MYT1L: variants seen among roughly 807,000 people sequenced by gnomAD.
The protein encoded by MYT1L is myelin transcription factor 1-like protein.
MYT1L carries 12 observed loss-of-function variants against 126.7 expected under a neutral mutation model. The ratio of observed to expected loss-of-function variants is 0.09; its 90% CI spans 0.06 to 0.15. The LOEUF is 0.15. Ranked by LOEUF, MYT1L falls within the 10% of genes least tolerant of loss-of-function variation. MYT1L has a pLI of 1.00. For missense variants in MYT1L, 979 were observed against 1,585.2 expected, an observed-to-expected ratio of 0.62 and a Z score of 6.49; for synonymous variants, 541 against 604.2, an observed-to-expected ratio of 0.90 and a Z score of 1.53.
At position 2,058,285 on chromosome 2, in the gene MYT1L, G is replaced by A. The variant is rs145477189; in HGVS notation, c.-303-4162C>T. ...TTTTCTTACTACATTGTTTTAAATC[G>A]TTGAATTTGAGATTTCATTGTATAT... is the stretch of plus-strand genomic sequence containing the variant. On this transcript the variant is annotated intron_variant, in intron 3 of 24. Coordinates refer to ENST00000647738, the MANE Select transcript of MYT1L (RefSeq NM_001303052.2). 8.0e-3 allele frequency among the ~76,000 whole-genome samples: 1,215 copies of A among 152,144 alleles called. 16 individuals carry two copies. The highest frequency in any genetic ancestry group is 0.027 in the African/African-American group (1,118 of 41,496).
intron 3 of MYT1L, among the ~76,000 whole-genome samples, chr2:2,060,718 C>CCTCCCTTCCTTTTCCCT: frequency 8.8e-6 from 1 of 113,180 alleles, no homozygotes; most frequent in African/African-American, 3.7e-5. Flanking sequence ...CCTTCCCTCC[C>CCTCCCTTCCTTTTCCCT]CCCTCCCTTC....
chr2:2,322,346 T>C (rs756821098), intron 1 of MYT1L, among the ~76,000 whole-genome samples: 2 of 152,030 alleles, frequency 1.3e-5, no homozygotes, highest in Non-Finnish European at 2.9e-5. Context: ...AACAATTGAT[T>C]AAAAATTTTG....
chr2:1,902,842 G>A (rs756422890), intron 14 of MYT1L: 13 of 524,958 alleles, frequency 2.5e-5, no homozygotes, highest in Admixed American at 9.7e-5. Flanking sequence ...AGCCGAGTGC[G>A]CTGTCTCGGA....
chr2:2,222,487 C>T (rs1288431568), intron 2 of MYT1L, among the ~76,000 whole-genome samples: 1 of 123,166 alleles, frequency 8.1e-6, no homozygotes, highest in Admixed American at 8.2e-5. Flanking sequence ...CAGAGTGAGA[C>T]TTTGTCTCAA....
chr2:1,830,561 T>C (rs1337928540), intron 21 of MYT1L, among the ~76,000 whole-genome samples: 1 of 150,996 alleles, frequency 6.6e-6, no homozygotes, highest in Non-Finnish European at 1.5e-5. Context: ...CACAGGGAGA[T>C]GGGGGAAAGG....
chr2:2,025,662 G>A (rs1219402113), intron 4 of MYT1L, among the ~76,000 whole-genome samples: 6 of 152,132 alleles, frequency 3.9e-5, no homozygotes, highest in Non-Finnish European at 1.5e-5. Context: ...GAGCACGTGT[G>A]GTGCACCCAG....
At chr2:2,187,617 T>C (rs982582415) in intron 2 of MYT1L, among the ~76,000 whole-genome samples, 2 of 151,742 alleles carry the variant, frequency 1.3e-5, no homozygotes, top group African/African-American at 4.8e-5. Flanking sequence ...AAAATAATTT[T>C]AGAAGGGAGG....
rs986785531 is a variant in MYT1L, at chr2:2,318,186, C to T, written c.-521+12781G>A. On this transcript the variant is annotated intron_variant, in intron 1 of 24. Coordinates refer to ENST00000647738, the MANE Select transcript of MYT1L (RefSeq NM_001303052.2). ...TTACACTATCATTGACTCTACTACT[C>T]CTTACACAACTTCTGCATCTAATCC... Among the ~76,000 whole-genome samples, 14 of 152,164 alleles carry T rather than the reference C, an allele frequency of 9.2e-5. 1 individual carries two copies. Among genetic ancestry groups the T allele is most frequent in the Admixed American group, 6.5e-4 (10 of 15,280 alleles).
At chr2:1,858,068 G>T (rs2044137045) in intron 18 of MYT1L, among the ~76,000 whole-genome samples, 1 of 152,106 alleles carries the variant, frequency 6.6e-6, no homozygotes. Context: ...TTCGCCATGT[G>T]GGCCAGGCTG....
At chr2:1,798,267 G>C (rs1026104690) in intron 23 of MYT1L, among the ~76,000 whole-genome samples, 1 of 151,498 alleles carries the variant, frequency 6.6e-6, no homozygotes, top group Non-Finnish European at 1.5e-5. Flanking sequence ...TCCGGCACAG[G>C]CGTGGCGGTC....
chr2:2,067,919 A>C (rs1335075115), intron 3 of MYT1L, among the ~76,000 whole-genome samples: 1 of 152,194 alleles, frequency 6.6e-6, no homozygotes, highest in Non-Finnish European at 1.5e-5. Flanking sequence ...ATGGAAAAAT[A>C]ATCAACAATT....
At chr2:2,133,418 C>G (rs1013730028) in intron 3 of MYT1L, among the ~76,000 whole-genome samples, 2 of 152,170 alleles carry the variant, frequency 1.3e-5, no homozygotes, top group Non-Finnish European at 2.9e-5. Context: ...GCTTCTCAAG[C>G]ATGCTAATCT....
At chr2:2,287,458 C>A (rs1387638754) in intron 1 of MYT1L, among the ~76,000 whole-genome samples, 1 of 152,088 alleles carries the variant, frequency 6.6e-6, no homozygotes, top group Non-Finnish European at 1.5e-5. Flanking sequence ...TGTTCAAATA[C>A]TCAAAAGTAA....
chr2:2,307,686 T>C (rs2095876785), intron 1 of MYT1L, among the ~76,000 whole-genome samples: 1 of 150,250 alleles, frequency 6.7e-6, no homozygotes, highest in African/African-American at 2.5e-5. Context: ...TGCTTCAGCA[T>C]ACTGTATCTA....
intron 1 of MYT1L, among the ~76,000 whole-genome samples, chr2:2,321,891 T>C (rs1295044359): frequency 6.6e-6 from 1 of 152,182 alleles, no homozygotes; most frequent in Non-Finnish European, 1.5e-5. Context: ...GTATGTAATA[T>C]TGAGTCCTAA....
intron 8 of MYT1L, among the ~76,000 whole-genome samples, chr2:1,975,235 C>A (rs2060079020): frequency 1.5e-5 from 1 of 65,202 alleles, no homozygotes; most frequent in Admixed American, 1.2e-4. Flanking sequence ...AGGCGTGGCT[C>A]ACCAAACAGA....
intron 3 of MYT1L, among the ~76,000 whole-genome samples, chr2:2,150,889 G>A (rs2085659380): frequency 6.8e-6 from 1 of 146,664 alleles, no homozygotes; most frequent in Non-Finnish European, 1.5e-5. Context: ...AAGGAAGGAA[G>A]GAAGGGAAGG....
rs770758692 is a variant in MYT1L, at chr2:1,801,002, G to T, written c.3276+694C>A. On this transcript the variant is annotated intron_variant, in intron 23 of 24. Transcript: ENST00000647738. This position sits in a 1 kb window ranked among gnomAD's most constrained non-coding sequence, Gnocchi z 4.2. The stretch of plus-strand genomic sequence containing the variant: ...TCCACTCCCAGAGTGTACTTCGGCG[G>T]GACCCTAACACAGCAAGGTGGGGGA... Among the ~76,000 whole-genome samples the T allele has an allele frequency of 1.3e-5, 2 of 152,154 alleles. No individual in the cohort carries two copies. Among genetic ancestry groups the T allele is most frequent in the Non-Finnish European group, 2.9e-5 (2 of 68,038 alleles).
intron 4 of MYT1L, among the ~76,000 whole-genome samples, chr2:2,033,275 C>A (rs568572653): frequency 1.4e-5 from 2 of 145,748 alleles, no homozygotes; most frequent in African/African-American, 5.1e-5. Flanking sequence ...CAGTGCCTCT[C>A]ATCCTGTGGC....
Sources: gnomAD v4.1 joint callset for allele counts (sites outside exome capture counted in the v4.1 genomes callset) on GRCh38, gnomAD v4.1.1 for gene constraint, Gnocchi (gnomAD v3.1) non-coding constraint, MANE v1.5 for transcripts, NCBI Gene and HGNC (gene_info 2026-07-23, HGNC 2026-07-21) for gene names.